Variants in KCNB2 observed in about 807,000 individuals in gnomAD.
KCNB2 encodes potassium voltage-gated channel subfamily B member 2.
KCNB2 carries 15 observed loss-of-function variants against 61.5 expected under a neutral mutation model. The ratio of observed to expected loss-of-function variants is 0.24; its 90% confidence interval spans 0.16 to 0.38. KCNB2 has a LOEUF of 0.38. Ranked by LOEUF, KCNB2 falls within the 10% of genes least tolerant of loss-of-function variation. The pLI, the probability that KCNB2 is intolerant of heterozygous loss-of-function variation, is 1.00. For synonymous variants in KCNB2, 457 were observed against 446.0 expected (o/e 1.02, Z -0.31); for missense variants, 828 against 1,125.2 (o/e 0.74, Z 3.78).
chr8:72,566,992 T>C (rs1334742146), intron 1 of KCNB2, among the ~76,000 whole-genome samples: 1 of 151,892 alleles, frequency 6.6e-6, no homozygotes, highest in Non-Finnish European at 1.5e-5. Context: ...GGCACCTTGG[T>C]CAGTTTAGCT....
At chr8:72,765,920 C>T (rs1179594314) in intron 2 of KCNB2, among the ~76,000 whole-genome samples, 1 of 152,210 alleles carries the variant, frequency 6.6e-6, no homozygotes, top group Admixed American at 6.5e-5. Context: ...TTTATCCCAA[C>T]AACTATTAAT....
At chr8:72,609,481 C>T (rs150981425) in intron 2 of KCNB2, among the ~76,000 whole-genome samples, 4 of 152,168 alleles carry the variant, frequency 2.6e-5, no homozygotes, top group African/African-American at 4.8e-5. Context: ...AAAAAATTAG[C>T]GTAATAGATA....
intron 1 of KCNB2, among the ~76,000 whole-genome samples, chr8:72,560,922 A>G (rs185880363): frequency 2.6e-5 from 4 of 152,316 alleles, no homozygotes; most frequent in Admixed American, 6.5e-5. Context: ...AGTTCTTTAA[A>G]TAATTATCCT....
intron 2 of KCNB2, among the ~76,000 whole-genome samples, chr8:72,611,926 C>A (rs575337902): frequency 1.1e-4 from 17 of 151,954 alleles, no homozygotes; most frequent in Non-Finnish European, 2.1e-4. Context: ...AACTATTAAT[C>A]AATTAATTAA....
At chr8:72,640,459 G>A (rs779614491) in intron 2 of KCNB2, among the ~76,000 whole-genome samples, 7 of 151,968 alleles carry the variant, frequency 4.6e-5, no homozygotes, top group Non-Finnish European at 1.0e-4. Flanking sequence ...CCCAAATCCT[G>A]TCTTCTCAGA....
chr8:72,817,519 T>G (rs1809420972), intron 2 of KCNB2, among the ~76,000 whole-genome samples: 1 of 152,224 alleles, frequency 6.6e-6, no homozygotes. Context: ...TTTTTGCTCT[T>G]ATGAAAAGCC....
At chr8:72,618,499 C>A (rs973136148) in intron 2 of KCNB2, among the ~76,000 whole-genome samples, 1 of 152,036 alleles carries the variant, frequency 6.6e-6, no homozygotes, top group Non-Finnish European at 1.5e-5. Flanking sequence ...ATTTTAGTTA[C>A]TCATTTTTTT....
At chr8:72,558,520 C>CAT (rs1292610169) in intron 1 of KCNB2, among the ~76,000 whole-genome samples, 1 of 152,124 alleles carries the variant, frequency 6.6e-6, no homozygotes, top group Non-Finnish European at 1.5e-5. Flanking sequence ...AAGAATATTT[C>CAT]ATACGTGGAA....
At chr8:72,870,633 T>C (rs898161579) in intron 2 of KCNB2, among the ~76,000 whole-genome samples, 1 of 152,220 alleles carries the variant, frequency 6.6e-6, no homozygotes, top group African/African-American at 2.4e-5. Flanking sequence ...TTAATATATG[T>C]GAGTTTTGGC....
chr8:72,749,675 T>G (rs1808150742), intron 2 of KCNB2, among the ~76,000 whole-genome samples: 1 of 149,210 alleles, frequency 6.7e-6, no homozygotes, highest in Non-Finnish European at 1.5e-5. Context: ...TTTAAAAGAT[T>G]TTTTTACTAT....
chr8:72,580,284 C>A (rs1380604249), intron 2 of KCNB2, among the ~76,000 whole-genome samples: 1 of 152,172 alleles, frequency 6.6e-6, no homozygotes, highest in Non-Finnish European at 1.5e-5. Context: ...GAGAACACAT[C>A]ATTAATTGTA....
chr8:72,802,506 G>T (rs1185610148), intron 2 of KCNB2, among the ~76,000 whole-genome samples: 4 of 152,166 alleles, frequency 2.6e-5, no homozygotes, highest in African/African-American at 9.7e-5. Flanking sequence ...AAGGACAGAT[G>T]CTTATTTTGT....
intron 2 of KCNB2, among the ~76,000 whole-genome samples, chr8:72,747,964 G>A (rs886353313): frequency 4.6e-5 from 7 of 152,258 alleles, no homozygotes; most frequent in Non-Finnish European, 8.8e-5. Flanking sequence ...GAACAATCTG[G>A]TGCTTCCATC....
chr8:72,853,804 A>T (rs771264918), intron 2 of KCNB2, among the ~76,000 whole-genome samples: 15 of 152,226 alleles, frequency 9.9e-5, no homozygotes, highest in Non-Finnish European at 2.1e-4. Context: ...ATGCATCTAA[A>T]GTGACAACCC....
intron 2 of KCNB2, among the ~76,000 whole-genome samples, chr8:72,787,745 C>A (rs1334579510): frequency 6.6e-6 from 1 of 152,104 alleles, no homozygotes; most frequent in Non-Finnish European, 1.5e-5. Context: ...CTAACCCCCA[C>A]CCCAGTAAAA....
At chr8:72,817,730 T>G (rs1246631565) in intron 2 of KCNB2, among the ~76,000 whole-genome samples, 1 of 152,174 alleles carries the variant, frequency 6.6e-6, no homozygotes, top group Non-Finnish European at 1.5e-5. Context: ...CCTGCTGGAT[T>G]TATTGTTAGC....
At chr8:72,854,348 A>G (rs1423554528) in intron 2 of KCNB2, among the ~76,000 whole-genome samples, 1 of 152,220 alleles carries the variant, frequency 6.6e-6, no homozygotes, top group East Asian at 1.9e-4. Flanking sequence ...TTAGGAAAAG[A>G]CTATTTAAAA....
chr8:72,810,846 T>C (rs147972264), intron 2 of KCNB2, among the ~76,000 whole-genome samples: 1 of 152,326 alleles, frequency 6.6e-6, no homozygotes, highest in Non-Finnish European at 1.5e-5. Flanking sequence ...AAAATCCACA[T>C]GTTTTGGGAT....
chr8:72,869,960 A>G (rs1805591284), intron 2 of KCNB2, among the ~76,000 whole-genome samples: 1 of 152,236 alleles, frequency 6.6e-6, no homozygotes, highest in African/African-American at 2.4e-5. Flanking sequence ...GCAGCAGATG[A>G]ATGTATAAAG....
Sources: gnomAD v4.1 joint callset for allele counts (sites outside exome capture counted in the v4.1 genomes callset) on GRCh38, gnomAD v4.1.1 for gene constraint, MANE v1.5 for transcripts, NCBI Gene and HGNC (gene_info 2026-07-23, HGNC 2026-07-21) for gene names.